TENT4B: variants seen among roughly 807,000 people sequenced by gnomAD.
TENT4B encodes the protein terminal nucleotidyltransferase 4B.
Under a neutral mutation model 75.0 loss-of-function variants are expected in TENT4B, and 10 were observed. The ratio of observed to expected loss-of-function variants is 0.13; its 90% confidence interval spans 0.08 to 0.23. The LOEUF (loss-of-function observed/expected upper bound fraction) is 0.23. Among genes scored for constraint, TENT4B ranks in the 10% least tolerant of loss-of-function variants. The pLI is 1.00. For synonymous variants in TENT4B, 350 were observed against 357.7 expected (o/e 0.98, Z 0.24); for missense variants, 579 against 893.8 (o/e 0.65, Z 4.49).
Position 50,232,726 on chromosome 16 carries a change from A to G in TENT4B, c.*3398A>G. 1.0e-6 allele frequency: 1 copy of G among 985,354 alleles called. No individual in the cohort carries two copies. Among genetic ancestry groups the G allele is most frequent in the Non-Finnish European group, 1.2e-6 (1 of 829,906 alleles). 61.0% of individuals were successfully genotyped at this position (985,354 alleles called of 1,614,324 possible). ...AGTTATTAAGGTTGATCTGTTAGAA[A>G]TCACCATTATTAGGTATTAGTGGTA... On this transcript the variant is annotated 3_prime_UTR_variant, in exon 12 of 12. Coordinates refer to ENST00000561678, the MANE Select transcript of TENT4B (RefSeq NM_001365324.3).
chr16:50,178,722 A>C (rs1369587631), intron 1 of TENT4B, among the ~76,000 whole-genome samples: 1 of 152,242 alleles, frequency 6.6e-6, no homozygotes, highest in Non-Finnish European at 1.5e-5. Flanking sequence ...ATATTGCATG[A>C]TTGCACTTAT....
In TENT4B at chr16:50,154,015, C is replaced by T; in HGVS notation, c.394C>T (p.Pro132Ser). 6.5e-7 allele frequency: 1 copy of T among 1,533,558 alleles called. No homozygotes were observed. The highest frequency in any genetic ancestry group is 8.7e-7 in the Non-Finnish European group (1 of 1,145,816). 95.0% of individuals were successfully genotyped at this position (1,533,558 alleles called of 1,614,324 possible). ...ARRAGSSASS[P>S]PSASSSPHPS... ...CCGGGCGGGCTCCTCGGCGTCCTCG[C>T]CTCCCTCGGCGTCCTCGTCCCCGCA... Residue 132 changes from proline (P) to serine (S), a missense_variant, in exon 1 of 12, where the codon CCT becomes TCT. Physicochemically the swap from Pro to Ser is moderately conservative, Grantham distance 74 (BLOSUM62 -1). Coordinates refer to ENST00000561678, the MANE Select transcript of TENT4B (RefSeq NM_001365324.3).
At chr16:50,209,755 G>C (rs1313850544) in intron 1 of TENT4B, among the ~76,000 whole-genome samples, 1 of 152,210 alleles carries the variant, frequency 6.6e-6, no homozygotes, top group African/African-American at 2.4e-5. Context: ...GGCAGAACCT[G>C]AGTCTAGAAC....
chr16:50,196,732 G>A (rs887834488), intron 1 of TENT4B, among the ~76,000 whole-genome samples: 3 of 149,670 alleles, frequency 2.0e-5, no homozygotes, highest in African/African-American at 7.4e-5. Context: ...TTTGAGACCA[G>A]CCTGGGCAAC....
chr16:50,159,085 G>T (rs2037954272), intron 1 of TENT4B, among the ~76,000 whole-genome samples: 1 of 152,140 alleles, frequency 6.6e-6, no homozygotes, highest in South Asian at 2.1e-4. Flanking sequence ...CTGCCGTAGG[G>T]CAGTATCCTC....
chr16:50,157,329 T>C (rs2037919822), intron 1 of TENT4B, among the ~76,000 whole-genome samples: 3 of 152,228 alleles, frequency 2.0e-5, no homozygotes, highest in Admixed American at 2.0e-4. Flanking sequence ...CTTGATGTTT[T>C]TGGTTTCTCC....
Position 50,234,393 on chromosome 16 carries a change from G to T in TENT4B, c.*5065G>T, listed in dbSNP as rs943598544. ...GAAGTTCAGTACTTGCCTCTTAGAGGTTAGGCCATGCCTTTCAAAGAGAGT... is the reference window on the plus strand; with the variant it reads ...GAAGTTCAGTACTTGCCTCTTAGAGTTTAGGCCATGCCTTTCAAAGAGAGT... On this transcript the variant is annotated 3_prime_UTR_variant, in exon 12 of 12. Transcript: ENST00000561678. 3.3e-5 allele frequency: 33 copies of T among 985,308 alleles called. No homozygotes were observed. The African/African-American group carries it at 5.6e-4, about 17-fold the overall frequency. 61.0% of individuals were successfully genotyped at this position (985,308 alleles called of 1,614,324 possible). A position where few individuals can be genotyped will look rare whatever the true frequency, so the allele number is the denominator to read the frequency against.
intron 10 of TENT4B, among the ~76,000 whole-genome samples, chr16:50,226,166 A>T (rs2032044277): frequency 6.6e-6 from 1 of 150,662 alleles, no homozygotes; most frequent in Admixed American, 6.6e-5. Flanking sequence ...CACCCAGCTA[A>T]TTTTTTGTAT....
chr16:50,213,701 A>G (rs1201284761), intron 2 of TENT4B, among the ~76,000 whole-genome samples: 14 of 152,214 alleles, frequency 9.2e-5, no homozygotes, highest in Non-Finnish European at 1.2e-4. Flanking sequence ...TAAACCAACA[A>G]TGGATTGAAA....
At chr16:50,170,072 G>A (rs961290985) in intron 1 of TENT4B, among the ~76,000 whole-genome samples, 3 of 150,970 alleles carry the variant, frequency 2.0e-5, no homozygotes, top group African/African-American at 4.9e-5. Context: ...TTTTTTTTGA[G>A]ATGGAGTCTC....
At chr16:50,216,342 T>C (rs917726063) in intron 4 of TENT4B, 147 bp downstream of exon 4, 17 of 1,053,546 alleles carry the variant, frequency 1.6e-5, no homozygotes, top group Non-Finnish European at 2.3e-5. Flanking sequence ...ATAAAAAGTT[T>C]TCTGGTTGTC....
chr16:50,235,180 T>C lies in TENT4B; in HGVS notation c.*5852T>C, dbSNP rs375766897. On this transcript the variant is annotated 3_prime_UTR_variant, in exon 12 of 12. Transcript: ENST00000561678. ...AAGCTAATGACAGTTTCTTCAAAGA[T>C]GTCAATTATTTGCCTTGGAAATTTT... The C allele has an allele frequency of 1.4e-5, 5 of 369,212 alleles. No individual in the cohort carries two copies. Among genetic ancestry groups the C allele is most frequent in the African/African-American group, 8.8e-5 (4 of 45,498 alleles). 22.9% of individuals were successfully genotyped at this position (369,212 alleles called of 1,614,324 possible). A position where few individuals can be genotyped will look rare whatever the true frequency, so the allele number is the denominator to read the frequency against.
Position 50,229,429 on chromosome 16 carries a change from A to G in TENT4B, c.*101A>G, listed in dbSNP as rs2032201253. On this transcript the variant is annotated 3_prime_UTR_variant, in exon 12 of 12. Coordinates refer to ENST00000561678, the MANE Select transcript of TENT4B (RefSeq NM_001365324.3). ...GATATTCAGGAGCCTCACACTGTTC[A>G]GACGTTGACTTAGCAACTGCGTTTT... is the stretch of plus-strand genomic sequence containing the variant. 2 of 1,385,666 alleles carry G rather than the reference A, an allele frequency of 1.4e-6. No homozygotes were observed. The highest frequency in any genetic ancestry group is 1.9e-6 in the Non-Finnish European group (2 of 1,070,590). The allele number at this position is 1,385,666 out of a possible 1,614,324, so 85.8% of individuals were successfully genotyped here.
chr16:50,221,482 G>T (rs1419971473), intron 5 of TENT4B, among the ~76,000 whole-genome samples: 2 of 152,176 alleles, frequency 1.3e-5, no homozygotes, highest in Non-Finnish European at 2.9e-5. Context: ...GCGTGGAAGG[G>T]AGGGGTGGTC....
Position 50,231,939 on chromosome 16 carries a change from A to T in TENT4B, c.*2611A>T. The stretch of plus-strand genomic sequence containing the variant: ...TTTGTGAATATATCAGAAATGTGTC[A>T]TTTATATATTAGAGTCCATTCATAT... On this transcript the variant is annotated 3_prime_UTR_variant, in exon 12 of 12. Coordinates refer to ENST00000561678, the MANE Select transcript of TENT4B (RefSeq NM_001365324.3). 1.0e-6 allele frequency: 1 copy of T among 980,000 alleles called. No homozygotes were observed. Among genetic ancestry groups the T allele is most frequent in the East Asian group, 1.1e-4 (1 of 8,788 alleles). 60.7% of individuals were successfully genotyped at this position (980,000 alleles called of 1,614,324 possible). A position where few individuals can be genotyped will look rare whatever the true frequency, so the allele number is the denominator to read the frequency against.
intron 2 of TENT4B, among the ~76,000 whole-genome samples, chr16:50,212,790 G>C (rs1314951161): frequency 6.6e-6 from 1 of 152,182 alleles, no homozygotes; most frequent in African/African-American, 2.4e-5. Flanking sequence ...CTAGTACCTA[G>C]TGGGTAGAGG....
rs563179318 is a variant in TENT4B, at chr16:50,203,110, C to T, written c.639-8213C>T. Among the ~76,000 whole-genome samples, 7 of 152,332 alleles carry T rather than the reference C, an allele frequency of 4.6e-5. No homozygotes were observed. The South Asian group carries it at 1.4e-3, about 32-fold the overall frequency. ...CCTAACCAAGGAAGGGTTGCCATAG[C>T]AAATATGGCATTCCTTAGCCATGAT... On this transcript the variant is annotated intron_variant, in intron 1 of 11. Coordinates refer to ENST00000561678, the MANE Select transcript of TENT4B (RefSeq NM_001365324.3).
intron 2 of TENT4B, among the ~76,000 whole-genome samples, chr16:50,211,896 G>A (rs1157506160): frequency 6.6e-6 from 1 of 152,052 alleles, no homozygotes; most frequent in African/African-American, 2.4e-5. Context: ...CATTTCCTTT[G>A]GCTAATGCAC....
intron 1 of TENT4B, among the ~76,000 whole-genome samples, chr16:50,181,129 GT>G (rs2038406597): frequency 3.3e-5 from 5 of 152,220 alleles, no homozygotes; most frequent in Non-Finnish European, 7.3e-5. Context: ...TTATGTGTAA[GT>G]TTTAAAAAAT....
Sources: gnomAD v4.1 joint callset for allele counts (sites outside exome capture counted in the v4.1 genomes callset) on GRCh38, gnomAD v4.1.1 for gene constraint, MANE v1.5 for transcripts, NCBI Gene and HGNC (gene_info 2026-07-23, HGNC 2026-07-21) for gene names.